GNA14: variants seen among roughly 807,000 people sequenced by gnomAD.
The protein encoded by GNA14 is guanine nucleotide-binding protein subunit alpha-14.
GNA14 carries 50 observed loss-of-function variants against 42.0 expected under a neutral mutation model. The observed-to-expected ratio is 1.19, with a 90% CI of 0.95 to 1.51. GNA14 has a LOEUF of 1.51. Among genes scored for constraint, GNA14 ranks in the 40% most tolerant of loss-of-function variants. GNA14 has a pLI of 0.00. For synonymous variants in GNA14, 173 were observed against 163.1 expected (o/e 1.06, Z -0.46); for missense variants, 473 against 446.2 (o/e 1.06, Z -0.54).
chr9:77,452,571 T>TG (rs1835923682), intron 2 of GNA14, among the ~76,000 whole-genome samples: 1 of 95,006 alleles, frequency 1.1e-5, no homozygotes, highest in African/African-American at 4.6e-5. Flanking sequence ...TGTGTGTGTG[T>TG]ATGTGCATGT....
intron 4 of GNA14, among the ~76,000 whole-genome samples, chr9:77,429,399 G>A (rs954049439): frequency 2.6e-5 from 4 of 152,134 alleles, no homozygotes; most frequent in African/African-American, 2.4e-5. Context: ...GGGACGCAGC[G>A]GCCAGCTGTC....
At chr9:77,618,166 C>T (rs1449876725) in intron 1 of GNA14, among the ~76,000 whole-genome samples, 2 of 152,070 alleles carry the variant, frequency 1.3e-5, no homozygotes, top group African/African-American at 4.8e-5. Flanking sequence ...CAACAAAACC[C>T]ACTAAAGCAT....
intron 2 of GNA14, among the ~76,000 whole-genome samples, chr9:77,436,984 G>A (rs1835647768): frequency 6.6e-6 from 1 of 152,216 alleles, no homozygotes; most frequent in African/African-American, 2.4e-5. Context: ...CCTCTCAGAG[G>A]AGGAGATGCT....
chr9:77,593,936 G>T (rs1823426395), intron 1 of GNA14, among the ~76,000 whole-genome samples: 1 of 152,172 alleles, frequency 6.6e-6, no homozygotes, highest in Non-Finnish European at 1.5e-5. Flanking sequence ...TCATACTGGA[G>T]CTGCCTTATA....
chr9:77,606,963 C>A (rs1383638441), intron 1 of GNA14, among the ~76,000 whole-genome samples: 2 of 152,136 alleles, frequency 1.3e-5, no homozygotes, highest in African/African-American at 4.8e-5. Context: ...CAGTAAAATG[C>A]AGGCAATGCA....
chr9:77,471,833 T>G (rs1587782464), intron 2 of GNA14, among the ~76,000 whole-genome samples: 1 of 152,240 alleles, frequency 6.6e-6, no homozygotes, highest in Admixed American at 6.5e-5. Flanking sequence ...AAGCTGTTTG[T>G]TTGTCCTCAA....
chr9:77,498,378 AAAAAAAAAAAG>A (rs1280778071), intron 2 of GNA14, among the ~76,000 whole-genome samples: 2 of 124,804 alleles, frequency 1.6e-5, no homozygotes, highest in Non-Finnish European at 3.4e-5. Context: ...TGTCTCAAAA[AAAAAAAAAAAG>A]AAAAAAAAGA....
At position 77,621,404 on chromosome 9, in the gene GNA14, G is replaced by T. The variant is rs1823919198; in HGVS notation, c.124+26266C>A. 2.0e-5 allele frequency among the ~76,000 whole-genome samples: 3 copies of T among 152,200 alleles called. No individual in the cohort carries two copies. The South Asian group carries it at 6.2e-4, about 32-fold the overall frequency. On this transcript the variant is annotated intron_variant, in intron 1 of 6. Coordinates refer to ENST00000341700, the MANE Select transcript of GNA14 (RefSeq NM_004297.4). ...ATAACAAATTCAAATGGCCATTTAAGTGCTAATTTCAAATTATCTGGTGGT... is the reference window on the plus strand; with the variant it reads ...ATAACAAATTCAAATGGCCATTTAATTGCTAATTTCAAATTATCTGGTGGT...
chr9:77,493,844 T>C (rs1836827019), intron 2 of GNA14, among the ~76,000 whole-genome samples: 1 of 152,224 alleles, frequency 6.6e-6, no homozygotes, highest in African/African-American at 2.4e-5. Context: ...AGCTGAATTA[T>C]CTTTACAACC....
intron 2 of GNA14, among the ~76,000 whole-genome samples, chr9:77,525,111 T>C (rs890744586): frequency 7.2e-5 from 11 of 152,242 alleles, no homozygotes; most frequent in African/African-American, 2.7e-4. Context: ...TTATACATTC[T>C]GTACGTAGAG....
intron 1 of GNA14, among the ~76,000 whole-genome samples, chr9:77,538,398 T>G (rs1837621876): frequency 6.6e-6 from 1 of 152,184 alleles, no homozygotes; most frequent in Non-Finnish European, 1.5e-5. Flanking sequence ...AGGATTGCTT[T>G]GCTTTGGCTA....
chr9:77,603,956 C>CAAAAAAA (rs67044542), intron 1 of GNA14, among the ~76,000 whole-genome samples: 117 of 81,592 alleles, frequency 1.4e-3, no homozygotes, highest in South Asian at 2.6e-3. Flanking sequence ...AAAAAAAAAA[C>CAAAAAAA]AAAAAAAAAA....
At chr9:77,453,043 G>A (rs923404197) in intron 2 of GNA14, among the ~76,000 whole-genome samples, 1 of 152,210 alleles carries the variant, frequency 6.6e-6, no homozygotes, top group African/African-American at 2.4e-5. Context: ...GAGAGGCTGA[G>A]GCAGGAGGAT....
chr9:77,493,172 C>A (rs1344988083), intron 2 of GNA14, among the ~76,000 whole-genome samples: 1 of 151,286 alleles, frequency 6.6e-6, no homozygotes, highest in Non-Finnish European at 1.5e-5. Flanking sequence ...ATGCTACTCA[C>A]CATCAGGTGA....
chr9:77,435,728 C>G (rs1756605883), intron 2 of GNA14, among the ~76,000 whole-genome samples: 1 of 152,118 alleles, frequency 6.6e-6, no homozygotes, highest in South Asian at 2.1e-4. Context: ...CTAGCATGAG[C>G]CAGAAATCTT....
In GNA14 at chr9:77,589,574, G is replaced by A. The variant is rs1414184468; in HGVS notation, c.124+58096C>T. Among the ~76,000 whole-genome samples, 6 of 152,192 alleles carry A rather than the reference G, an allele frequency of 3.9e-5. No homozygotes were observed. The East Asian group carries it at 1.2e-3, about 29-fold the overall frequency. Reference sequence around the variant, plus strand: ...TACTGTGTTTGTTGAAAGGGGAGAGGGTTGTTTGCTCATCCAGGGTGGAGA... The same window carrying A: ...TACTGTGTTTGTTGAAAGGGGAGAGAGTTGTTTGCTCATCCAGGGTGGAGA... On this transcript the variant is annotated intron_variant, in intron 1 of 6. Coordinates refer to ENST00000341700, the MANE Select transcript of GNA14 (RefSeq NM_004297.4).
intron 2 of GNA14, among the ~76,000 whole-genome samples, chr9:77,490,471 C>A (rs1836750484): frequency 6.6e-6 from 1 of 152,228 alleles, no homozygotes; most frequent in Non-Finnish European, 1.5e-5. Context: ...TGCACAGGAA[C>A]CCATGGAGGC....
intron 1 of GNA14, among the ~76,000 whole-genome samples, chr9:77,551,439 T>A (rs559755873): frequency 6.6e-6 from 1 of 152,234 alleles, no homozygotes; most frequent in African/African-American, 2.4e-5. Flanking sequence ...AAGTACATCT[T>A]GCAGCAGGCA....
chr9:77,434,466 C>G lies in GNA14; in HGVS notation c.366G>C (p.Arg122Ser). ...VEVDKVSMLS[R>S]EQVEAIKQLW... ...GCTGCTTGATGGCCTCCACCTGCTC[C>G]CTGGAGAGCATGGAGACCTTGTCCA... Residue 122 changes from arginine to serine, a missense_variant, in exon 3 of 7, where the codon AGG (arginine) becomes AGC (serine). Arg to Ser is a moderately radical substitution (Grantham distance 110). Transcript: ENST00000341700. 1.2e-6 allele frequency: 2 copies of G among 1,613,532 alleles called. No homozygotes were observed. Among genetic ancestry groups the G allele is most frequent in the Non-Finnish European group, 1.7e-6 (2 of 1,179,452 alleles).
Sources: gnomAD v4.1 joint callset for allele counts (sites outside exome capture counted in the v4.1 genomes callset) on GRCh38, gnomAD v4.1.1 for gene constraint, MANE v1.5 for transcripts, NCBI Gene and HGNC (gene_info 2026-07-23, HGNC 2026-07-21) for gene names.